The following RNF220 variants were observed in gnomAD, a reference collection of about 807,000 sequenced individuals.
RNF220 encodes E3 ubiquitin-protein ligase RNF220.
A neutral mutation model predicts 67.1 loss-of-function variants in RNF220; 7 were observed. The ratio of observed to expected loss-of-function variants is 0.10; its 90% CI spans 0.06 to 0.20. The LOEUF (loss-of-function observed/expected upper bound fraction) is 0.20, where lower values mean the gene tolerates loss of function less well. Among genes scored for constraint, RNF220 ranks in the 10% least tolerant of loss-of-function variants. The probability of loss-of-function intolerance (pLI) is 1.00; values close to 1 mark genes in which losing one functional copy is unlikely to be tolerated. For missense variants in RNF220, 565 were observed against 740.3 expected (o/e 0.76, Z 2.75); for synonymous variants, 270 against 283.2 (o/e 0.95, Z 0.47).
At chr1:44,492,171 A>G (rs753449836) in intron 2 of RNF220, among the ~76,000 whole-genome samples, 5 of 152,228 alleles carry the variant, frequency 3.3e-5, no homozygotes, top group African/African-American at 9.6e-5. Flanking sequence ...AAAATATTCA[A>G]TATCTTTAGT....
At chr1:44,471,583 G>A (rs1654811603) in intron 2 of RNF220, among the ~76,000 whole-genome samples, 1 of 151,936 alleles carries the variant, frequency 6.6e-6, no homozygotes, top group African/African-American at 2.4e-5. Flanking sequence ...TAGCACTTTG[G>A]GAGGCTGAGG....
intron 2 of RNF220, among the ~76,000 whole-genome samples, chr1:44,607,042 G>A (rs983485002): frequency 2.6e-5 from 4 of 152,088 alleles, no homozygotes; most frequent in Non-Finnish European, 5.9e-5. Context: ...TTGCTCAAGC[G>A]AGAAACCTTA....
intron 2 of RNF220, among the ~76,000 whole-genome samples, chr1:44,612,594 C>A (rs1643360465): frequency 6.6e-6 from 1 of 152,158 alleles, no homozygotes; most frequent in South Asian, 2.1e-4. Context: ...TCAGCCTGAA[C>A]TTGAGGCTTC....
intron 2 of RNF220, among the ~76,000 whole-genome samples, chr1:44,454,947 G>A (rs1490830320): frequency 6.6e-6 from 1 of 152,162 alleles, no homozygotes; most frequent in Non-Finnish European, 1.5e-5. Context: ...CCAGTCAAAG[G>A]ACATTTAGAT....
intron 2 of RNF220, among the ~76,000 whole-genome samples, chr1:44,567,510 T>G (rs1325904645): frequency 1.3e-5 from 2 of 152,008 alleles, no homozygotes; most frequent in Non-Finnish European, 2.9e-5. Flanking sequence ...GAATGCCTGT[T>G]GAGGTCATCA....
At chr1:44,481,347 G>A (rs1166109146) in intron 2 of RNF220, among the ~76,000 whole-genome samples, 1 of 152,072 alleles carries the variant, frequency 6.6e-6, no homozygotes, top group Non-Finnish European at 1.5e-5. Flanking sequence ...AATCACTTGA[G>A]CTCAGGAATT....
At chr1:44,416,189 T>C (rs998795641) in intron 2 of RNF220, among the ~76,000 whole-genome samples, 2 of 152,214 alleles carry the variant, frequency 1.3e-5, no homozygotes, top group African/African-American at 2.4e-5. Flanking sequence ...AAGCCATTCA[T>C]GGAGGATGCA....
At chr1:44,419,835 G>T (rs1199973530) in intron 2 of RNF220, 1 of 152,164 alleles carries the variant, frequency 6.6e-6, no homozygotes, top group Non-Finnish European at 1.5e-5. Flanking sequence ...ATTACTTGGG[G>T]TACTATTAAT....
chr1:44,622,694 C>G lies in RNF220; in HGVS notation c.759-48C>G. The G allele has an allele frequency of 6.4e-7, 1 of 1,561,064 alleles. No individual in the cohort carries two copies. The highest frequency in any genetic ancestry group is 8.8e-7 in the Non-Finnish European group (1 of 1,132,022). Reference sequence around the variant, plus strand: ...TTCTTGCTACTCTACCGTTGCATGCCCTGGGCAGCAGGTAGAATGGTTACC... The same window carrying G: ...TTCTTGCTACTCTACCGTTGCATGCGCTGGGCAGCAGGTAGAATGGTTACC... On this transcript the variant is annotated intron_variant, in intron 3 of 14. Coordinates refer to ENST00000361799, the MANE Select transcript of RNF220 (RefSeq NM_018150.4). This position sits in a 1 kb window ranked among gnomAD's most constrained non-coding sequence, Gnocchi z 4.3.
intron 2 of RNF220, among the ~76,000 whole-genome samples, chr1:44,613,834 G>A (rs760540120): frequency 5.3e-5 from 8 of 152,148 alleles, no homozygotes; most frequent in Non-Finnish European, 7.3e-5. Context: ...CCAAGATCAC[G>A]CTACTGTACT....
intron 2 of RNF220, among the ~76,000 whole-genome samples, chr1:44,460,556 G>A (rs12060564): frequency 3.3e-5 from 5 of 152,176 alleles, no homozygotes; most frequent in African/African-American, 7.2e-5. Context: ...ATGGGAGATC[G>A]GAGAGTTCTT....
chr1:44,628,510 CCT>C (rs1466561559), intron 5 of RNF220, among the ~76,000 whole-genome samples: 4 of 152,166 alleles, frequency 2.6e-5, no homozygotes, highest in African/African-American at 9.7e-5. Context: ...GACCCAAGAC[CCT>C]GTTCTAGACT....
rs1557899892 is a variant in RNF220 at position 44,412,723 on chromosome 1, G to GC, written c.625+1_625+2insC. The GC allele has an allele frequency of 6.2e-7, 1 of 1,612,586 alleles. No homozygotes were observed. The highest frequency in any genetic ancestry group is 8.5e-7 in the Non-Finnish European group (1 of 1,178,938). On this transcript the variant is annotated splice_donor_variant, in intron 2 of 14. Coordinates refer to ENST00000361799, the MANE Select transcript of RNF220 (RefSeq NM_018150.4). LOFTEE classifies it high-confidence loss of function. The surrounding 1 kb of genome is among the most constrained non-coding windows in gnomAD (Gnocchi z 5.3). Reference sequence around the variant, plus strand: ...AGCCCAGAGGATCGGAATGACAGATGTAAGTACTTTGGTTCCAGCCCTCCC... The same window carrying GC: ...AGCCCAGAGGATCGGAATGACAGATGCTAAGTACTTTGGTTCCAGCCCTCCC...
At chr1:44,460,748 T>G (rs1183380913) in intron 2 of RNF220, among the ~76,000 whole-genome samples, 19 of 152,240 alleles carry the variant, frequency 1.2e-4, no homozygotes, top group Admixed American at 1.2e-3. Context: ...GAGGCCGTGC[T>G]GGTACAGCCT....
Position 44,522,185 on chromosome 1 carries a change from C to T in RNF220, c.626-91980C>T, listed in dbSNP as rs558655876. ...TTGCAAAACATTTCCATGTGGGAAG[C>T]TCCATCACATGATGGAAGGATGGTG... On this transcript the variant is annotated intron_variant, in intron 2 of 14. Transcript: ENST00000361799. Among the ~76,000 whole-genome samples the T allele has an allele frequency of 3.0e-4, 45 of 152,256 alleles. 2 individuals are homozygous for T. In the South Asian group the frequency reaches 4.4e-3, roughly 15 times the overall value.
At chr1:44,442,224 C>T (rs1300844641) in intron 2 of RNF220, among the ~76,000 whole-genome samples, 1 of 152,032 alleles carries the variant, frequency 6.6e-6, no homozygotes, top group East Asian at 1.9e-4. Context: ...GCCTCCCTTC[C>T]TCAAACTCCC....
At position 44,649,867 on chromosome 1, in the gene RNF220, GC is replaced by G; in HGVS notation, c.1555-11del. 1 of 1,613,958 alleles carries G rather than the reference GC, an allele frequency of 6.2e-7. No homozygotes were observed. Among genetic ancestry groups the G allele is most frequent in the Non-Finnish European group, 8.5e-7 (1 of 1,179,910 alleles). On this transcript the variant is annotated splice_polypyrimidine_tract_variant and intron_variant, in intron 13 of 14. Coordinates refer to ENST00000361799, the MANE Select transcript of RNF220 (RefSeq NM_018150.4). The surrounding 1 kb of genome is among the most constrained non-coding windows in gnomAD (Gnocchi z 5.9). ...CCTACCTCAGAGTGACCCCTTCTCTGCCCCCTCCTCCCTAGGACTCGTACTC... is the reference window on the plus strand; with the variant it reads ...CCTACCTCAGAGTGACCCCTTCTCTGCCCCTCCTCCCTAGGACTCGTACTC...
At chr1:44,421,600 G>A (rs72893850) in intron 2 of RNF220, among the ~76,000 whole-genome samples, 1 of 149,910 alleles carries the variant, frequency 6.7e-6, no homozygotes, top group Non-Finnish European at 1.5e-5. Flanking sequence ...GAGATGGGGG[G>A]GCTGCCTGGG....
chr1:44,495,487 G>A (rs1485943569), intron 2 of RNF220, among the ~76,000 whole-genome samples: 1 of 152,210 alleles, frequency 6.6e-6, no homozygotes, highest in Admixed American at 6.5e-5. Context: ...GATTGCTTTG[G>A]AAGCATGTAG....
Sources: allele counts gnomAD v4.1 joint callset (sites outside exome capture counted in the v4.1 genomes callset), GRCh38; gene constraint gnomAD v4.1.1; non-coding constraint Gnocchi (gnomAD v3.1); transcripts MANE v1.5; gene names NCBI Gene and HGNC (gene_info 2026-07-23, HGNC 2026-07-21).